The following SYT17 variants were observed in gnomAD, a reference collection of about 807,000 sequenced individuals.
The protein encoded by SYT17 is synaptotagmin-17.
Under a neutral mutation model 46.7 loss-of-function variants are expected in SYT17, and 22 were observed. The ratio of observed to expected loss-of-function variants is 0.47; its 90% CI spans 0.34 to 0.67. The LOEUF is 0.67. SYT17 is among the 30% of genes least tolerant of loss of function. The probability of loss-of-function intolerance (pLI) is 0.01; values close to 1 mark genes in which losing one functional copy is unlikely to be tolerated. For synonymous variants in SYT17, 251 were observed against 248.4 expected (o/e 1.01, Z -0.10); for missense variants, 519 against 612.8 (o/e 0.85, Z 1.62).
Position 19,168,492 on chromosome 16 carries a change from G to A in SYT17, c.-155G>A, listed in dbSNP as rs1963951400. ...AGGACGGGGCGGCCGGCGGAGGGGC[G>A]GGCGCCGCTCATCAGCCACGCCAGT... On this transcript the variant is annotated 5_prime_UTR_variant, in exon 1 of 8. Coordinates refer to ENST00000355377, the MANE Select transcript of SYT17 (RefSeq NM_016524.4). This position sits in a 1 kb window ranked among gnomAD's most constrained non-coding sequence, Gnocchi z 6.9. The A allele has an allele frequency of 3.0e-6, 3 of 1,008,054 alleles. No homozygotes were observed. The highest frequency in any genetic ancestry group is 4.3e-6 in the Non-Finnish European group (3 of 694,172). 62.4% of individuals were successfully genotyped at this position (1,008,054 alleles called of 1,614,324 possible). A position where few individuals can be genotyped will look rare whatever the true frequency, so the allele number is the denominator to read the frequency against.
rs545478770 is a variant in SYT17 at position 19,226,812 on chromosome 16, T to G, written c.1228+1974T>G. Among the ~76,000 whole-genome samples the G allele has an allele frequency of 2.0e-5, 3 of 152,286 alleles. No homozygotes were observed. The South Asian group carries it at 6.2e-4, about 32-fold the overall frequency. Reference sequence around the variant, plus strand: ...AATAAGGGACCTCCTATTGTAAGCTTAGATGAGGAGAGGACCCCAGGGGAA... The same window carrying G: ...AATAAGGGACCTCCTATTGTAAGCTGAGATGAGGAGAGGACCCCAGGGGAA... On this transcript the variant is annotated intron_variant, in intron 7 of 7. Transcript: ENST00000355377.
chr16:19,231,242 T>G (rs1966670249), intron 7 of SYT17, among the ~76,000 whole-genome samples: 1 of 152,116 alleles, frequency 6.6e-6, no homozygotes, highest in Non-Finnish European at 1.5e-5. Flanking sequence ...TTCCCCTAAG[T>G]GGCCAGGGTT....
At chr16:19,173,077 T>C (rs1964165406) in intron 2 of SYT17, 2 of 568,018 alleles carry the variant, frequency 3.5e-6, no homozygotes, top group Non-Finnish European at 6.1e-6. Context: ...GACACAGTAA[T>C]ATTCATTGTG....
At chr16:19,173,072 A>G (rs1964165160) in intron 2 of SYT17, 2 of 568,662 alleles carry the variant, frequency 3.5e-6, no homozygotes, top group African/African-American at 3.8e-5. Context: ...AAGAAGACAC[A>G]GTAATATTCA....
At position 19,267,837 on chromosome 16, in the gene SYT17, G is replaced by A. The variant is rs957893564; in HGVS notation, c.*761G>A. Reference sequence around the variant, plus strand: ...CTTGGAGAGCATGGCGATGGGCCAGGACCTCAGCCCTGAGCACTGCCTTCT... The same window carrying A: ...CTTGGAGAGCATGGCGATGGGCCAGAACCTCAGCCCTGAGCACTGCCTTCT... On this transcript the variant is annotated 3_prime_UTR_variant, in exon 8 of 8. Transcript: ENST00000355377. 6.6e-6 allele frequency: 1 copy of A among 152,252 alleles called. No homozygotes were observed. Among genetic ancestry groups the A allele is most frequent in the African/African-American group, 2.4e-5 (1 of 41,442 alleles). The allele number at this position is 152,252 out of a possible 1,614,324, so 9.4% of individuals were successfully genotyped here.
At chr16:19,250,094 G>T in intron 7 of SYT17, 1 of 1,500,740 alleles carries the variant, frequency 6.7e-7, no homozygotes, top group South Asian at 1.3e-5. Flanking sequence ...TTGTGTGTCT[G>T]GTTGCTTTTA....
chr16:19,267,327 G>A lies in SYT17; in HGVS notation c.*251G>A, dbSNP rs969660361. On this transcript the variant is annotated 3_prime_UTR_variant, in exon 8 of 8. Coordinates refer to ENST00000355377, the MANE Select transcript of SYT17 (RefSeq NM_016524.4). ...CGGAAGCCCCATCCATAGATCACAAGCTCAGTGGGCTCTGCCGTGGGACTT... is the reference window on the plus strand; with the variant it reads ...CGGAAGCCCCATCCATAGATCACAAACTCAGTGGGCTCTGCCGTGGGACTT... The A allele has an allele frequency of 5.3e-6, 2 of 376,896 alleles. No homozygotes were observed. The highest frequency in any genetic ancestry group is 8.5e-5 in the Admixed American group (2 of 23,476). The allele number at this position is 376,896 out of a possible 1,614,324, so 23.3% of individuals were successfully genotyped here. A position where few individuals can be genotyped will look rare whatever the true frequency, so the allele number is the denominator to read the frequency against.
intron 5 of SYT17, among the ~76,000 whole-genome samples, chr16:19,202,530 A>T (rs956406050): frequency 2.0e-5 from 3 of 152,182 alleles, no homozygotes; most frequent in Admixed American, 2.0e-4. Context: ...ATACCATTAT[A>T]TGGGCAGGAT....
intron 5 of SYT17, among the ~76,000 whole-genome samples, chr16:19,212,526 C>T (rs1965945163): frequency 6.6e-6 from 1 of 152,084 alleles, no homozygotes; most frequent in Admixed American, 6.6e-5. Context: ...GAGGCTGAGG[C>T]ACAAGAATCA....
At chr16:19,233,145 C>A (rs753888359) in intron 7 of SYT17, among the ~76,000 whole-genome samples, 20 of 152,304 alleles carry the variant, frequency 1.3e-4, no homozygotes, top group Middle Eastern at 3.4e-3. Flanking sequence ...CTCCCAGACC[C>A]CTCTGTGAGA....
rs768335086 is a variant in SYT17 at position 19,183,870 on chromosome 16, C to T, written c.674C>T (p.Ala225Val). 13 of 1,614,044 alleles carry T rather than the reference C, an allele frequency of 8.1e-6. No individual in the cohort carries two copies. Among genetic ancestry groups the T allele is most frequent in the African/African-American group, 2.7e-5 (2 of 74,926 alleles). Residue 225 changes from alanine to valine, a missense_variant, in exon 5 of 8, where the codon GCG becomes GTG. By Grantham distance (64) the Ala-to-Val change is moderately conservative. Coordinates refer to ENST00000355377, the MANE Select transcript of SYT17 (RefSeq NM_016524.4). This position sits in a 1 kb window ranked among gnomAD's most constrained non-coding sequence, Gnocchi z 5.6. ...CACGATGGCTCGCGCCAGGACATGGCGCACTCCAACCCCTACGTCAAGATC... is the reference window on the plus strand; with the variant it reads ...CACGATGGCTCGCGCCAGGACATGGTGCACTCCAACCCCTACGTCAAGATC... Reference protein sequence around the residue: ...ISHDGSRQDMAHSNPYVKICL... With the variant: ...ISHDGSRQDMVHSNPYVKICL...
Position 19,168,514 on chromosome 16 carries a change from C to A in SYT17, c.-133C>A, listed in dbSNP as rs1963952557. The A allele has an allele frequency of 7.8e-7, 1 of 1,288,398 alleles. No homozygotes were observed. The highest frequency in any genetic ancestry group is 1.1e-6 in the Non-Finnish European group (1 of 934,048). 79.8% of individuals were successfully genotyped at this position (1,288,398 alleles called of 1,614,324 possible). A position where few individuals can be genotyped will look rare whatever the true frequency, so the allele number is the denominator to read the frequency against. On this transcript the variant is annotated 5_prime_UTR_variant, in exon 1 of 8. Transcript: ENST00000355377. The surrounding 1 kb of genome is among the most constrained non-coding windows in gnomAD (Gnocchi z 6.9). ...GGCGGGCGCCGCTCATCAGCCACGCCAGTCACGTCTGGGGCCACCGGCTGC... is the reference window on the plus strand; with the variant it reads ...GGCGGGCGCCGCTCATCAGCCACGCAAGTCACGTCTGGGGCCACCGGCTGC...
At chr16:19,173,818 C>T (rs1269265451) in intron 3 of SYT17, among the ~76,000 whole-genome samples, 1 of 152,080 alleles carries the variant, frequency 6.6e-6, no homozygotes, top group South Asian at 2.1e-4. Flanking sequence ...AGTGGCACAT[C>T]GGGCCTTCTG....
At chr16:19,185,832 G>A (rs1246430114) in intron 5 of SYT17, among the ~76,000 whole-genome samples, 2 of 152,214 alleles carry the variant, frequency 1.3e-5, no homozygotes, top group Non-Finnish European at 2.9e-5. Flanking sequence ...AGGAGACGAC[G>A]TCTTCTATTG....
chr16:19,183,779 G>A lies in SYT17; in HGVS notation c.583G>A (p.Asp195Asn), dbSNP rs1451488657. 8.7e-6 allele frequency: 14 copies of A among 1,614,044 alleles called. No homozygotes were observed. The highest frequency in any genetic ancestry group is 1.6e-4 in the Middle Eastern group (1 of 6,084). ...CATGCTGCACTTCAGCACTCAGTAC[G>A]ACCTGCTGCACAACCACCTCACCGT... ...LGMLHFSTQY[D>N]LLHNHLTVRV... Residue 195 changes from aspartate (D) to asparagine (N), a missense_variant, in exon 5 of 8, where the codon GAC becomes AAC. Transcript: ENST00000355377. The surrounding 1 kb of genome is among the most constrained non-coding windows in gnomAD (Gnocchi z 5.6).
At chr16:19,264,954 A>G (rs1353470459) in intron 7 of SYT17, among the ~76,000 whole-genome samples, 1 of 152,142 alleles carries the variant, frequency 6.6e-6, no homozygotes, top group Non-Finnish European at 1.5e-5. Flanking sequence ...TTTAGAAGGG[A>G]AGTTTCTGCA....
At chr16:19,251,884 C>G (rs1342783638) in intron 7 of SYT17, among the ~76,000 whole-genome samples, 2 of 152,070 alleles carry the variant, frequency 1.3e-5, no homozygotes, top group African/African-American at 2.4e-5. Context: ...TACATGTGGC[C>G]TATTGATCTT....
chr16:19,232,614 T>C (rs1966742312), intron 7 of SYT17, among the ~76,000 whole-genome samples: 1 of 152,068 alleles, frequency 6.6e-6, no homozygotes, highest in Admixed American at 6.6e-5. Flanking sequence ...GCGGATCGTT[T>C]GAGTCCAGGA....
chr16:19,265,681 C>G (rs1035537931), intron 7 of SYT17, among the ~76,000 whole-genome samples: 1 of 152,230 alleles, frequency 6.6e-6, no homozygotes. Context: ...TGTAGCCCTT[C>G]ATTTATAACA....
Sources: allele counts gnomAD v4.1 joint callset (sites outside exome capture counted in the v4.1 genomes callset), GRCh38; gene constraint gnomAD v4.1.1; non-coding constraint Gnocchi (gnomAD v3.1); transcripts MANE v1.5; gene names NCBI Gene and HGNC (gene_info 2026-07-23, HGNC 2026-07-21).